The following CD1E variants were observed in gnomAD, a reference collection of about 807,000 sequenced individuals.
CD1E encodes the protein T-cell surface glycoprotein CD1e, membrane-associated.
Under a neutral mutation model 40.1 loss-of-function variants are expected in CD1E, and 49 were observed. That is an observed-to-expected ratio of 1.22 (90% CI 0.97 to 1.55). The LOEUF (loss-of-function observed/expected upper bound fraction) is 1.55, where lower values mean the gene tolerates loss of function less well. CD1E is among the 40% of genes most tolerant of loss of function. CD1E has a pLI of 0.00. For synonymous variants in CD1E, 189 were observed against 178.3 expected (o/e 1.06, Z -0.48); for missense variants, 492 against 471.3 (o/e 1.04, Z -0.41).
In CD1E at chr1:158,355,839, C is replaced by T. The variant is rs1357762536; in HGVS notation, c.638C>T (p.Ala213Val). ...SELKRKVKPE[A>V]WLSCGPSPGP... ...TTCTTCTTCCTAGTGAAGCCAGAGG[C>T]CTGGCTGTCCTGTGGCCCCAGTCCT... The change falls in exon 4 of 6, where the codon GCC becomes GTC. Residue 213 changes from alanine to valine, a missense_variant. Transcript: ENST00000368167. The T allele has an allele frequency of 1.2e-6, 2 of 1,612,308 alleles. No homozygotes were observed. Among genetic ancestry groups the T allele is most frequent in the Non-Finnish European group, 1.7e-6 (2 of 1,178,900 alleles).
intron 4 of CD1E, 145 bp downstream of exon 4, chr1:158,356,250 G>A: frequency 2.0e-6 from 2 of 1,012,848 alleles, no homozygotes; most frequent in Non-Finnish European, 2.8e-6. Context: ...GAGTATGACA[G>A]TAGTTAAATT....
At chr1:158,354,943 T>C (rs77080063) in intron 2 of CD1E, among the ~76,000 whole-genome samples, 1 of 152,144 alleles carries the variant, frequency 6.6e-6, no homozygotes, top group Admixed American at 6.5e-5. Flanking sequence ...CTGCCCCTCA[T>C]TCCTGCCCTC....
Position 158,356,998 on chromosome 1 carries a change from C to A in CD1E, c.*102C>A. ...CTTTTATTTAAACAGTTTATACTAG[C>A]AAAGATACTGACCCCTTTAGGAATA... is the stretch of plus-strand genomic sequence containing the variant. On this transcript the variant is annotated 3_prime_UTR_variant, in exon 6 of 6. Coordinates refer to ENST00000368167, the MANE Select transcript of CD1E (RefSeq NM_030893.4). The A allele has an allele frequency of 3.2e-6, 3 of 944,582 alleles. No homozygotes were observed. Among genetic ancestry groups the A allele is most frequent in the Non-Finnish European group, 4.9e-6 (3 of 611,956 alleles). 58.5% of individuals were successfully genotyped at this position (944,582 alleles called of 1,614,324 possible).
Position 158,354,400 on chromosome 1 carries a change from C to T in CD1E, c.82C>T (p.His28Tyr). 6.2e-7 allele frequency: 1 copy of T among 1,610,996 alleles called. No homozygotes were observed. Among genetic ancestry groups the T allele is most frequent in the Non-Finnish European group, 8.5e-7 (1 of 1,178,474 alleles). ...AGCTCCCCAGGCTCTACAATCCTAT[C>T]ATCTAGCAGCAGAGGAGCAGCTGTC... ...TAAPQALQSY[H>Y]LAAEEQLSFR... The change falls in exon 2 of 6, where the codon CAT becomes TAT. Residue 28 changes from histidine to tyrosine, a missense_variant. His to Tyr is a moderately conservative substitution (Grantham distance 83). Transcript: ENST00000368167.
chr1:158,355,768 G>C (rs1653561417), intron 3 of CD1E, 59 bp from the exon 4 acceptor site: 9 of 1,527,844 alleles, frequency 5.9e-6, no homozygotes, highest in Non-Finnish European at 7.9e-6. Flanking sequence ...CTGAGTCTCT[G>C]AGCTCTGGCC....
rs1653601746 is a variant in CD1E, at chr1:158,355,941, G to A, written c.740G>A (p.Gly247Asp). 6.2e-7 allele frequency: 1 copy of A among 1,614,174 alleles called. No homozygotes were observed. Among genetic ancestry groups the A allele is most frequent in the Non-Finnish European group, 8.5e-7 (1 of 1,180,044 alleles). The change falls in exon 4 of 6, where the codon GGT (glycine) becomes GAT (aspartate). Residue 247 changes from glycine (G) to aspartate (D), a missense_variant. Physicochemically the swap from Gly to Asp is moderately conservative, Grantham distance 94. Coordinates refer to ENST00000368167, the MANE Select transcript of CD1E (RefSeq NM_030893.4). ...PKPVWVMWMR[G>D]EQEQRGTQRG... is the part of the protein sequence containing the mutation. ...CCCGTGTGGGTGATGTGGATGCGGG[G>A]TGAGCAGGAGCAGCGGGGCACTCAG...
rs1203397865 is a variant in CD1E, at chr1:158,356,993, A to G, written c.*97A>G. The G allele has an allele frequency of 2.0e-6, 2 of 1,017,684 alleles. No homozygotes were observed. The highest frequency in any genetic ancestry group is 3.0e-6 in the Non-Finnish European group (2 of 669,562). The allele number at this position is 1,017,684 out of a possible 1,614,324, so 63.0% of individuals were successfully genotyped here. On this transcript the variant is annotated 3_prime_UTR_variant, in exon 6 of 6. Transcript: ENST00000368167. ...GCATGCTTTTATTTAAACAGTTTATACTAGCAAAGATACTGACCCCTTTAG... is the reference window on the plus strand; with the variant it reads ...GCATGCTTTTATTTAAACAGTTTATGCTAGCAAAGATACTGACCCCTTTAG...
rs201515126 is a variant in CD1E, at chr1:158,354,472, C to T, written c.154C>T (p.His52Tyr). 41 of 1,614,022 alleles carry T rather than the reference C, an allele frequency of 2.5e-5. No individual in the cohort carries two copies. In the African/African-American group the frequency reaches 4.8e-4, roughly 19 times the overall value. ...TSSFANHSWA[H>Y]SEGSGWLGDL... ...CTCCTTTGCCAACCACAGCTGGGCA[C>T]ACAGTGAGGGCTCAGGATGGCTGGG... The change falls in exon 2 of 6, where the codon CAC becomes TAC. Residue 52 changes from histidine to tyrosine, a missense_variant. His to Tyr is a moderately conservative substitution (Grantham distance 83, BLOSUM62 2). Transcript: ENST00000368167.
Position 158,357,094 on chromosome 1 carries a change from A to C in CD1E, c.*198A>C. The C allele has an allele frequency of 1.8e-6, 1 of 545,966 alleles. No individual in the cohort carries two copies. 33.8% of individuals were successfully genotyped at this position (545,966 alleles called of 1,614,324 possible). A position where few individuals can be genotyped will look rare whatever the true frequency, so the allele number is the denominator to read the frequency against. On this transcript the variant is annotated 3_prime_UTR_variant, in exon 6 of 6. Coordinates refer to ENST00000368167, the MANE Select transcript of CD1E (RefSeq NM_030893.4). The stretch of plus-strand genomic sequence containing the variant: ...CATATCCATCATTGTTTATTTTTGA[A>C]ACTATAATCCAGATACTTCTTTTTC...
rs1437291176 is a variant in CD1E at position 158,357,013 on chromosome 1, C to G, written c.*117C>G. Reference sequence around the variant, plus strand: ...TTTATACTAGCAAAGATACTGACCCCTTTAGGAATACTTTTTCCCCATCTT... The same window carrying G: ...TTTATACTAGCAAAGATACTGACCCGTTTAGGAATACTTTTTCCCCATCTT... On this transcript the variant is annotated 3_prime_UTR_variant, in exon 6 of 6. Coordinates refer to ENST00000368167, the MANE Select transcript of CD1E (RefSeq NM_030893.4). 1 of 773,500 alleles carries G rather than the reference C, an allele frequency of 1.3e-6. No individual in the cohort carries two copies. The highest frequency in any genetic ancestry group is 1.8e-5 in the African/African-American group (1 of 56,492). 47.9% of individuals were successfully genotyped at this position (773,500 alleles called of 1,614,324 possible). A position where few individuals can be genotyped will look rare whatever the true frequency, so the allele number is the denominator to read the frequency against.
Position 158,354,558 on chromosome 1 carries a change from G to A in CD1E, c.240G>A (p.Trp80Ter), listed in dbSNP as rs371356232. 3.7e-6 allele frequency: 6 copies of A among 1,613,988 alleles called. No homozygotes were observed. The highest frequency in any genetic ancestry group is 2.2e-5 in the East Asian group (1 of 44,890). Reference protein sequence around the residue: ...VLGTIRFLKPWSHGNFSKQEL... With the variant: ...VLGTIRFLKP ...GCACCATCCGCTTTCTGAAGCCCTG[G>A]TCCCATGGAAACTTCAGCAAGCAGG... Residue 80 changes from tryptophan (W) to a stop codon, truncating the protein, a stop_gained, in exon 2 of 6, where the codon TGG (tryptophan) becomes TGA (stop). Coordinates refer to ENST00000368167, the MANE Select transcript of CD1E (RefSeq NM_030893.4). LOFTEE classifies it high-confidence loss of function.
chr1:158,356,613 G>T (rs1571224409), intron 5 of CD1E, 22 bp downstream of exon 5: 1 of 1,603,014 alleles, frequency 6.2e-7, no homozygotes, highest in Non-Finnish European at 8.5e-7. Context: ...CTTGTTCTTT[G>T]TTTCTTCAGC....
rs781750157 is a variant in CD1E at position 158,354,616 on chromosome 1, T to C, written c.298T>C (p.Tyr100His). 2.5e-5 allele frequency: 40 copies of C among 1,614,066 alleles called. No homozygotes were observed. In the East Asian group the frequency reaches 8.7e-4, roughly 35 times the overall value. The change falls in exon 2 of 6, where the codon TAC becomes CAC. Residue 100 changes from tyrosine (Y) to histidine (H), a missense_variant. By Grantham distance (83) the Tyr-to-His change is moderately conservative. Coordinates refer to ENST00000368167, the MANE Select transcript of CD1E (RefSeq NM_030893.4). ...AAACTTACAGTCACTGTTCCAGTTATACTTCCATAGTTTTATCCAGATAGT... is the reference window on the plus strand; with the variant it reads ...AAACTTACAGTCACTGTTCCAGTTACACTTCCATAGTTTTATCCAGATAGT... ...LKNLQSLFQLYFHSFIQIVQA... is the reference protein window; with the variant it reads ...LKNLQSLFQLHFHSFIQIVQA...
Position 158,355,572 on chromosome 1 carries a change from G to A in CD1E, c.625+3G>A, listed in dbSNP as rs1308100853. The A allele has an allele frequency of 3.1e-6, 5 of 1,613,154 alleles. No individual in the cohort carries two copies. The highest frequency in any genetic ancestry group is 4.2e-6 in the Non-Finnish European group (5 of 1,179,530). On this transcript the variant is annotated splice_donor_region_variant and intron_variant, in intron 3 of 5. Transcript: ENST00000368167. ...GGAGTCAGAACTGAAACGGAAAGGT[G>A]AGCCCAACTCTCTCTCTCCCCTCTT...
Position 158,355,921 on chromosome 1 carries a change from G to A in CD1E, c.720G>A (p.Val240=), listed in dbSNP as rs758226169. Residue 240 remains valine, a synonymous_variant, in exon 4 of 6, where the codon GTG becomes GTA. Coordinates refer to ENST00000368167, the MANE Select transcript of CD1E (RefSeq NM_030893.4). ...TCTCAGGATTCTACCCAAAGCCCGT[G>A]TGGGTGATGTGGATGCGGGGTGAGC... ...CHVSGFYPKP[V]WVMWMRGEQE... 1.9e-6 allele frequency: 3 copies of A among 1,614,162 alleles called. No homozygotes were observed. Among genetic ancestry groups the A allele is most frequent in the Non-Finnish European group, 2.5e-6 (3 of 1,180,036 alleles).
rs764381194 is a variant in CD1E at position 158,356,876 on chromosome 1, C to A, written c.1147C>A (p.Arg383Ser). The A allele has an allele frequency of 1.8e-5, 29 of 1,613,910 alleles. No individual in the cohort carries two copies. The highest frequency in any genetic ancestry group is 2.2e-5 in the Non-Finnish European group (26 of 1,179,914). ...CAGAGTATTGAAGAAGTGGAAGACA[C>A]GCCTAAACCAACTCTGGTGACATTT... ...KNRVLKKWKT[R>S]LNQLW Residue 383 changes from arginine to serine, a missense_variant, in exon 6 of 6, where the codon CGC becomes AGC. By Grantham distance (110) the Arg-to-Ser change is moderately radical (BLOSUM62 -1). Transcript: ENST00000368167.
rs1653288409 is a variant in CD1E at position 158,354,003 on chromosome 1, C to T, written c.15C>T (p.Phe5=). Reference sequence around the variant, plus strand: ...ACAGAGCTTCAATGCTGCTCCTGTTCCTCCTCTTCGAGGGTCTCTGCTGTC... The same window carrying T: ...ACAGAGCTTCAATGCTGCTCCTGTTTCTCCTCTTCGAGGGTCTCTGCTGTC... The part of the protein sequence containing the change: MLLL[F]LLFEGLCCPG... Residue 5 remains phenylalanine (F), a synonymous_variant, in exon 1 of 6, where the codon TTC becomes TTT. Transcript: ENST00000368167. 6.2e-7 allele frequency: 1 copy of T among 1,613,940 alleles called. No homozygotes were observed. Among genetic ancestry groups the T allele is most frequent in the Non-Finnish European group, 8.5e-7 (1 of 1,179,924 alleles).
rs776307837 is a variant in CD1E, at chr1:158,355,464, C to T, written c.520C>T (p.Arg174Cys). Residue 174 changes from arginine to cysteine, a missense_variant, in exon 3 of 6, where the codon CGC becomes TGC. By Grantham distance (180) the Arg-to-Cys change is radical (BLOSUM62 -3). Coordinates refer to ENST00000368167, the MANE Select transcript of CD1E (RefSeq NM_030893.4). ...RAQNICKVLNRYLDIKEILQS... is the reference protein window; with the variant it reads ...RAQNICKVLNCYLDIKEILQS... Reference sequence around the variant, plus strand: ...CCAGAACATCTGTAAAGTGCTCAATCGCTACCTAGATATTAAGGAAATACT... The same window carrying T: ...CCAGAACATCTGTAAAGTGCTCAATTGCTACCTAGATATTAAGGAAATACT... The T allele has an allele frequency of 3.0e-5, 49 of 1,613,948 alleles. No individual in the cohort carries two copies. The highest frequency in any genetic ancestry group is 2.0e-4 in the South Asian group (18 of 91,078).
intron 4 of CD1E, 77 bp from the exon 5 acceptor site, chr1:158,356,421 C>A: frequency 8.3e-7 from 1 of 1,197,692 alleles, no homozygotes; most frequent in Non-Finnish European, 1.2e-6. Context: ...GAAGGTCCCA[C>A]CCTTGTGAAA....
Sources: allele counts gnomAD v4.1 joint callset (sites outside exome capture counted in the v4.1 genomes callset), GRCh38; gene constraint gnomAD v4.1.1; transcripts MANE v1.5; gene names NCBI Gene and HGNC (gene_info 2026-07-23, HGNC 2026-07-21).